UGT1A6: variants seen among roughly 807,000 people sequenced by gnomAD.
UGT1A6 encodes the protein UDP glucuronosyltransferase family 1 member A6.
A neutral mutation model predicts 44.4 loss-of-function variants in UGT1A6; 32 were observed. The observed-to-expected ratio is 0.72, with a 90% confidence interval of 0.54 to 0.97. The LOEUF (loss-of-function observed/expected upper bound fraction) is 0.97, where lower values mean the gene tolerates loss of function less well. Among genes scored for constraint, UGT1A6 ranks in the 50% least tolerant of loss-of-function variants. UGT1A6 has a pLI of 0.00. For missense variants in UGT1A6, 685 were observed against 661.9 expected (o/e 1.03, Z -0.38); for synonymous variants, 238 against 248.5 (o/e 0.96, Z 0.40).
intron 1 of UGT1A6, chr2:233,756,004 CTATT>C (rs1422603012): frequency 6.6e-6 from 1 of 152,210 alleles, no homozygotes; most frequent in Non-Finnish European, 1.5e-5. Flanking sequence ...TGCATTCTAT[CTATT>C]GTGATATTAC....
intron 1 of UGT1A6, among the ~76,000 whole-genome samples, chr2:233,728,574 G>A (rs45507691): frequency 0.037 from 5,630 of 152,284 alleles, 132 homozygotes; most frequent in Non-Finnish European, 0.057. Flanking sequence ...ATCCTGGTGC[G>A]AAAAACGACC....
In UGT1A6 at chr2:233,767,938, T is replaced by G. The variant is rs779261748; in HGVS notation, c.1081+2T>G. The G allele has an allele frequency of 6.2e-7, 1 of 1,614,194 alleles. No individual in the cohort carries two copies. Among genetic ancestry groups the G allele is most frequent in the South Asian group, 1.1e-5 (1 of 91,090 alleles). ...GGCTACCCCAAAACGATCTGCTTGG[T>G]ATGTTGGGCGGATTGGATGTATAGG... On this transcript the variant is annotated splice_donor_variant, in intron 3 of 4. Transcript: ENST00000305139. LOFTEE classifies it high-confidence loss of function.
At chr2:233,719,157 A>G (rs757422133) in intron 1 of UGT1A6, 8 of 1,614,264 alleles carry the variant, frequency 5.0e-6, no homozygotes, top group Admixed American at 1.7e-5. Flanking sequence ...ATATTCTAGA[A>G]GTATGGCAAT....
chr2:233,772,555 A>G lies in UGT1A6; in HGVS notation c.1595A>G (p.His532Arg), dbSNP rs1350310639. Reference sequence around the variant, plus strand: ...AAGAAAGCCCACAAATCCAAGACCCATTGAGAAGTGGGTGGGAAATAAGGT... The same window carrying G: ...AAGAAAGCCCACAAATCCAAGACCCGTTGAGAAGTGGGTGGGAAATAAGGT... The part of the protein sequence containing the change: ...RVKKAHKSKT[H>R] The change falls in exon 5 of 5, where the codon CAT becomes CGT. Residue 532 changes from histidine to arginine, a missense_variant. Transcript: ENST00000305139. The G allele has an allele frequency of 3.1e-6, 5 of 1,613,990 alleles. No homozygotes were observed. In the South Asian group the frequency reaches 5.5e-5, roughly 18 times the overall value.
In UGT1A6 at chr2:233,747,891, C is replaced by T. The variant is rs562741642; in HGVS notation, c.862-19143C>T. 6 of 1,613,060 alleles carry T rather than the reference C, an allele frequency of 3.7e-6. No homozygotes were observed. In the Admixed American group the frequency reaches 5.0e-5, roughly 13 times the overall value. On this transcript the variant is annotated intron_variant, in intron 1 of 4. Coordinates refer to ENST00000305139, the MANE Select transcript of UGT1A6 (RefSeq NM_001072.4). ...GGCCCTGTCCTACCTTTGCCATGCT[C>T]TTTCTGCTCCTTATGCAAGCCTTGC...
chr2:233,714,067 G>A (rs973279509), intron 1 of UGT1A6, among the ~76,000 whole-genome samples: 1 of 152,094 alleles, frequency 6.6e-6, no homozygotes, highest in African/African-American at 2.4e-5. Context: ...AGGAAGGAGA[G>A]GCAGGGACGA....
intron 1 of UGT1A6, chr2:233,752,495 C>T (rs1266161924): frequency 6.6e-6 from 1 of 152,176 alleles, no homozygotes; most frequent in Non-Finnish European, 1.5e-5. Flanking sequence ...TGAGATGAGA[C>T]ATTTTAAAAA....
chr2:233,712,940 C>G (rs367897859), intron 1 of UGT1A6: 1 of 1,612,388 alleles, frequency 6.2e-7, no homozygotes. Context: ...GGAAACAATT[C>G]TAGGAGGCAC....
intron 1 of UGT1A6, chr2:233,747,353 C>T (rs1297550032): frequency 5.6e-6 from 9 of 1,602,858 alleles, no homozygotes; most frequent in East Asian, 2.2e-5. Context: ...TGCGGGAGGC[C>T]GTGCGGGAGC....
In UGT1A6 at chr2:233,725,076, A is replaced by C. The variant is rs376662690; in HGVS notation, c.861+31211A>C. ...GCGGCGCGCGCCTGCAATCGCAGGC[A>C]CTCGGCAGGCTGAGGCAGGAGAATC... On this transcript the variant is annotated intron_variant, in intron 1 of 4. Transcript: ENST00000305139. 3.9e-4 allele frequency among the ~76,000 whole-genome samples: 56 copies of C among 144,798 alleles called. 8 individuals are homozygous for C. In the East Asian group the frequency reaches 0.012, roughly 30 times the overall value. 95.0% of individuals were successfully genotyped at this position (144,798 alleles called of 152,430 possible).
Position 233,773,149 on chromosome 2 carries a change from G to A in UGT1A6, c.*590G>A, listed in dbSNP as rs1700568248. On this transcript the variant is annotated 3_prime_UTR_variant, in exon 5 of 5. Coordinates refer to ENST00000305139, the MANE Select transcript of UGT1A6 (RefSeq NM_001072.4). ...AAGAATGATGCTATGAAATTGGTGG[G>A]TGGTGTATTTGAGAAGATAATCATT... 1 of 154,230 alleles carries A rather than the reference G, an allele frequency of 6.5e-6. No individual in the cohort carries two copies. The highest frequency in any genetic ancestry group is 6.4e-5 in the Admixed American group (1 of 15,708). The allele number at this position is 154,230 out of a possible 1,614,324, so 9.6% of individuals were successfully genotyped here.
At chr2:233,771,903 G>C (rs937853722) in intron 4 of UGT1A6, among the ~76,000 whole-genome samples, 1 of 151,428 alleles carries the variant, frequency 6.6e-6, no homozygotes, top group Non-Finnish European at 1.5e-5. Context: ...AACCTTTCAG[G>C]TGATAATAGT....
chr2:233,718,918 T>G (rs778450561), intron 1 of UGT1A6: 2 of 1,614,094 alleles, frequency 1.2e-6, no homozygotes, highest in Non-Finnish European at 1.7e-6. Context: ...AAGGTGTTGG[T>G]GGTGCCCACT....
chr2:233,757,057 G>C (rs1201778154), intron 1 of UGT1A6, among the ~76,000 whole-genome samples: 1 of 151,606 alleles, frequency 6.6e-6, no homozygotes, highest in African/African-American at 2.4e-5. Context: ...TTGGGGAACA[G>C]CAAGGGATCC....
At position 233,725,204 on chromosome 2, in the gene UGT1A6, AGAGGCAGAGGCAGAG is replaced by A. The variant is rs1441655481; in HGVS notation, c.861+31401_861+31415del. On this transcript the variant is annotated intron_variant, in intron 1 of 4. Coordinates refer to ENST00000305139, the MANE Select transcript of UGT1A6 (RefSeq NM_001072.4). ...GAGAGGCAGAGGCAGAGGCAGAGGC[AGAGGCAGAGGCAGAG>A]GAGGCAGAGGCAGAGGAGGCAGAGG... Among the ~76,000 whole-genome samples, 412 of 85,248 alleles carry A rather than the reference AGAGGCAGAGGCAGAG, an allele frequency of 4.8e-3. 82 individuals carry two copies. Among genetic ancestry groups the A allele is most frequent in the East Asian group, 0.012 (46 of 3,984 alleles). The allele number at this position is 85,248 out of a possible 152,430, so 55.9% of individuals were successfully genotyped here.
At chr2:233,745,468 A>C (rs991715539) in intron 1 of UGT1A6, among the ~76,000 whole-genome samples, 2 of 151,704 alleles carry the variant, frequency 1.3e-5, no homozygotes, top group African/African-American at 4.9e-5. Context: ...TCTAAGGGGA[A>C]AATGATTAAC....
At chr2:233,704,256 CT>C (rs59925871) in intron 1 of UGT1A6, among the ~76,000 whole-genome samples, 3,570 of 123,594 alleles carry the variant, frequency 0.029, 58 homozygotes, top group South Asian at 0.052. Context: ...GCCTTTATTG[CT>C]TTTTTTTTTT....
chr2:233,715,672 T>G (rs2076464299), intron 1 of UGT1A6, among the ~76,000 whole-genome samples: 1 of 152,104 alleles, frequency 6.6e-6, no homozygotes, highest in Non-Finnish European at 1.5e-5. Context: ...CTCGGGAGGC[T>G]GAGGCAGGAG....
At chr2:233,726,450 A>G (rs538330915) in intron 1 of UGT1A6, among the ~76,000 whole-genome samples, 2 of 152,312 alleles carry the variant, frequency 1.3e-5, no homozygotes, top group South Asian at 4.1e-4. Context: ...TTTCCACTGA[A>G]TGTAAGCTCA....
Sources: gnomAD v4.1 joint callset for allele counts (sites outside exome capture counted in the v4.1 genomes callset) on GRCh38, gnomAD v4.1.1 for gene constraint, MANE v1.5 for transcripts, NCBI Gene and HGNC (gene_info 2026-07-23, HGNC 2026-07-21) for gene names.